ADGRG1: variants seen among roughly 807,000 people sequenced by gnomAD.
ADGRG1 encodes the protein 7-transmembrane protein with no EGF-like N-terminal domains-1.
Under a neutral mutation model 73.5 loss-of-function variants are expected in ADGRG1, and 53 were observed. The ratio of observed to expected loss-of-function variants is 0.72; its 90% CI spans 0.58 to 0.91. The LOEUF is 0.91. ADGRG1 is among the 40% of genes least tolerant of loss of function. The probability of loss-of-function intolerance (pLI) is 0.00; values close to 1 mark genes in which losing one functional copy is unlikely to be tolerated. For missense variants in ADGRG1, 795 were observed against 871.8 expected, an observed-to-expected ratio of 0.91 and a Z score of 1.11; for synonymous variants, 394 against 374.4, an observed-to-expected ratio of 1.05 and a Z score of -0.60.
intron 1 of ADGRG1, chr16:57,637,172 T>G: frequency 3.7e-6 from 1 of 272,034 alleles, no homozygotes; most frequent in Non-Finnish European, 5.6e-6. Context: ...GCTTGTGATT[T>G]CAGCAGTCCT....
chr16:57,649,290 C>T (rs190955622), intron 1 of ADGRG1, among the ~76,000 whole-genome samples: 29 of 152,336 alleles, frequency 1.9e-4, no homozygotes, highest in African/African-American at 6.3e-4. Flanking sequence ...TCCATCCCCA[C>T]AGCCTTTATC....
chr16:57,660,631 C>A, intron 11 of ADGRG1, 137 bp from the exon 12 acceptor site: 2 of 1,518,400 alleles, frequency 1.3e-6, no homozygotes, highest in Non-Finnish European at 1.8e-6. Context: ...GGGGAACTTC[C>A]CCACCAGATG....
At chr16:57,626,789 G>A, upstream of ADGRG1, 2 of 985,008 alleles carry the variant, frequency 2.0e-6, no homozygotes, top group Non-Finnish European at 2.4e-6. Context: ...GGCTGCCCGG[G>A]TTACCAGTTG....
intron 1 of ADGRG1, chr16:57,643,587 G>T (rs3785324): frequency 1.0e-6 from 1 of 984,208 alleles, no homozygotes; most frequent in Non-Finnish European, 1.2e-6. Flanking sequence ...AGCAGGTCTG[G>T]TGTAAGAGTG....
At chr16:57,631,272 G>C in intron 1 of ADGRG1, 1 of 986,344 alleles carries the variant, frequency 1.0e-6, no homozygotes, top group South Asian at 4.7e-5. Flanking sequence ...AGGCAGGTAA[G>C]AGGAGTGGGC....
At position 57,654,130 on chromosome 16, in the gene ADGRG1, G is replaced by A. The variant is rs768174089; in HGVS notation, c.765G>A (p.Gln255=). 4.5e-5 allele frequency: 73 copies of A among 1,611,980 alleles called. No homozygotes were observed. The highest frequency in any genetic ancestry group is 6.1e-5 in the Non-Finnish European group (72 of 1,179,952). ...AGGACCTGCACATCCACTCCCGGCA[G>A]GAGGTCAGGGGCAGGCCTGGGCAGG... The part of the protein sequence containing the change: ...GLQDLHIHSR[Q]EEEQSEIMEY... Residue 255 remains glutamine, a synonymous_variant, in exon 5 of 14, where the codon CAG becomes CAA. Coordinates refer to ENST00000562631, the MANE Select transcript of ADGRG1 (RefSeq NM_201525.4).
upstream of ADGRG1, chr16:57,623,670 G>C (rs1246398309): frequency 1.8e-5 from 7 of 386,938 alleles, no homozygotes; most frequent in African/African-American, 2.2e-5. Context: ...TGGGGGAGGC[G>C]GGCCTAGGGA....
At chr16:57,641,345 C>G (rs1597273551) in intron 1 of ADGRG1, 19 of 985,084 alleles carry the variant, frequency 1.9e-5, no homozygotes, top group Middle Eastern at 1.0e-3. Context: ...CTGGCCTCAG[C>G]TGCTCCTTGG....
intron 1 of ADGRG1, chr16:57,636,261 A>G (rs2039341026): frequency 2.0e-6 from 2 of 985,268 alleles, no homozygotes; most frequent in African/African-American, 1.7e-5. Flanking sequence ...TCCAAGGTTC[A>G]GTGCTCACAG....
chr16:57,646,457 G>T, intron 1 of ADGRG1: 1 of 985,584 alleles, frequency 1.0e-6, no homozygotes, highest in Non-Finnish European at 1.2e-6. Context: ...CATTGTGTCA[G>T]ACTGGACTGG....
chr16:57,658,035 C>T (rs1242935756), intron 10 of ADGRG1, among the ~76,000 whole-genome samples: 1 of 152,116 alleles, frequency 6.6e-6, no homozygotes, highest in African/African-American at 2.4e-5. Flanking sequence ...AGTCACTGTG[C>T]CAGGCTAATT....
rs183730399 is a variant in ADGRG1, at chr16:57,641,026, G to C, written c.-35-9227G>C. On this transcript the variant is annotated intron_variant, in intron 1 of 13. Transcript: ENST00000562631. ...ACAGTCTAGAGGGGTCAGGGGAGACGGTTCAGCATCCTCTTTGTCCCTTGC... is the reference window on the plus strand; with the variant it reads ...ACAGTCTAGAGGGGTCAGGGGAGACCGTTCAGCATCCTCTTTGTCCCTTGC... 6.1e-6 allele frequency: 6 copies of C among 985,358 alleles called. No individual in the cohort carries two copies. In the African/African-American group the frequency reaches 8.7e-5, roughly 14 times the overall value. The allele number at this position is 985,358 out of a possible 1,614,324, so 61.0% of individuals were successfully genotyped here.
intron 1 of ADGRG1, 115 bp from the exon 2 acceptor site, chr16:57,650,138 A>T (rs2043681923): frequency 6.5e-7 from 1 of 1,530,130 alleles, no homozygotes; most frequent in Non-Finnish European, 8.8e-7. Flanking sequence ...CTTTTTCCAC[A>T]CTTGCTTCCC....
chr16:57,660,947 C>A, intron 12 of ADGRG1, 71 bp downstream of exon 12: 2 of 925,554 alleles, frequency 2.2e-6, no homozygotes, highest in Non-Finnish European at 1.8e-6. Flanking sequence ...CAGCCCGGGC[C>A]CAGGTCATGC....
At chr16:57,651,737 A>G in intron 3 of ADGRG1, 115 bp downstream of exon 3, 1 of 1,512,916 alleles carries the variant, frequency 6.6e-7, no homozygotes, top group Non-Finnish European at 8.9e-7. Context: ...GGCTTTGCTC[A>G]CAGGCACTGG....
intron 1 of ADGRG1, among the ~76,000 whole-genome samples, chr16:57,644,856 A>G (rs1367607755): frequency 6.9e-6 from 1 of 144,626 alleles, no homozygotes; most frequent in East Asian, 2.1e-4. Context: ...CAGGGCACAC[A>G]CACCCATGCA....
chr16:57,641,171 CAGA>C (rs1348727946), intron 1 of ADGRG1: 1 of 801,160 alleles, frequency 1.2e-6, no homozygotes, highest in Non-Finnish European at 1.5e-6. Context: ...GCCCACTTGA[CAGA>C]GGAGAAAATA....
upstream of ADGRG1, chr16:57,625,793 A>T: frequency 3.2e-6 from 1 of 311,024 alleles, no homozygotes; most frequent in African/African-American, 2.3e-5. Context: ...ACACTTTCAA[A>T]ATCTTCCAGA....
At chr16:57,651,643 AG>A in intron 3 of ADGRG1, 21 bp downstream of exon 3, 2 of 1,609,836 alleles carry the variant, frequency 1.2e-6, no homozygotes, top group South Asian at 2.2e-5. Flanking sequence ...TTCCAGGCGG[AG>A]GGAACAACTG....
Sources: allele counts gnomAD v4.1 joint callset (sites outside exome capture counted in the v4.1 genomes callset), GRCh38; gene constraint gnomAD v4.1.1; transcripts MANE v1.5; gene names NCBI Gene and HGNC (gene_info 2026-07-23, HGNC 2026-07-21).